Variants in PHACTR3 observed in about 807,000 individuals in gnomAD.
PHACTR3 encodes the protein phosphatase and actin regulator 3.
PHACTR3 carries 16 observed loss-of-function variants against 66.8 expected under a neutral mutation model. The observed-to-expected ratio is 0.24, with a 90% confidence interval of 0.16 to 0.36. The LOEUF (loss-of-function observed/expected upper bound fraction) is 0.36, where lower values mean the gene tolerates loss of function less well. PHACTR3 is among the 10% of genes least tolerant of loss of function. The pLI is 1.00. For missense variants in PHACTR3, 647 were observed against 719.9 expected, an observed-to-expected ratio of 0.90 and a Z score of 1.16; for synonymous variants, 323 against 292.1, an observed-to-expected ratio of 1.11 and a Z score of -1.08.
chr20:59,596,907 ACTAC>A (rs1199520477), intron 1 of PHACTR3, among the ~76,000 whole-genome samples: 2 of 152,188 alleles, frequency 1.3e-5, no homozygotes, highest in Non-Finnish European at 2.9e-5. Flanking sequence ...GGCTTCATAC[ACTAC>A]TACCTCTCCA....
At chr20:59,592,445 A>G (rs1474981) in intron 1 of PHACTR3, among the ~76,000 whole-genome samples, 17,711 of 152,226 alleles carry the variant, frequency 0.12, 1,258 homozygotes, top group East Asian at 0.28. Flanking sequence ...ACCTACATGG[A>G]CGCAGGAAGA....
At chr20:59,704,219 T>A (rs549660464) in intron 1 of PHACTR3, among the ~76,000 whole-genome samples, 1 of 152,336 alleles carries the variant, frequency 6.6e-6, no homozygotes, top group African/African-American at 2.4e-5. Flanking sequence ...AGGGTTCTCT[T>A]GTAATGATGC....
At chr20:59,815,105 G>T (rs16983191) in intron 8 of PHACTR3, among the ~76,000 whole-genome samples, 1 of 152,122 alleles carries the variant, frequency 6.6e-6, no homozygotes, top group Non-Finnish European at 1.5e-5. Context: ...GACTCGAAGA[G>T]GGTTCTTGTT....
exon 1 of PHACTR3, chr20:59,577,534 C>T (rs2032746806): frequency 2.6e-6 from 3 of 1,169,758 alleles, no homozygotes; most frequent in Non-Finnish European, 3.2e-6. Context: ...GGGGGGCGCG[C>T]CCGCTGTCCT....
intron 1 of PHACTR3, among the ~76,000 whole-genome samples, chr20:59,692,011 A>G (rs943140297): frequency 1.1e-4 from 17 of 152,228 alleles, no homozygotes; most frequent in African/African-American, 3.6e-4. Flanking sequence ...CTTTTAGAAG[A>G]AAGGACAAAG....
At position 59,759,430 on chromosome 20, in the gene PHACTR3, G is replaced by A. The variant is rs183894830; in HGVS notation, c.541+4066G>A. Among the ~76,000 whole-genome samples, 729 of 152,236 alleles carry A rather than the reference G, an allele frequency of 4.8e-3. 3 individuals are homozygous for A. The highest frequency in any genetic ancestry group is 0.017 in the African/African-American group (690 of 41,546). On this transcript the variant is annotated intron_variant, in intron 4 of 12. Coordinates refer to ENST00000371015, the MANE Select transcript of PHACTR3 (RefSeq NM_080672.5). Reference sequence around the variant, plus strand: ...TTTCTTTTCAGTCATCAAAGTTCAGGCCTCCGGATCCCTGTTCCCACACAG... The same window carrying A: ...TTTCTTTTCAGTCATCAAAGTTCAGACCTCCGGATCCCTGTTCCCACACAG...
chr20:59,696,990 C>G (rs1222508699), intron 1 of PHACTR3, among the ~76,000 whole-genome samples: 2 of 152,138 alleles, frequency 1.3e-5, no homozygotes, highest in Non-Finnish European at 2.9e-5. Flanking sequence ...GCAGAGGGTG[C>G]TGGGATTCAC....
intron 1 of PHACTR3, among the ~76,000 whole-genome samples, chr20:59,675,331 G>A (rs2036419019): frequency 6.6e-6 from 1 of 152,192 alleles, no homozygotes; most frequent in South Asian, 2.1e-4. Context: ...GTACACAGAA[G>A]AGGGGAGAGA....
chr20:59,684,037 G>A (rs1378003078), intron 1 of PHACTR3, among the ~76,000 whole-genome samples: 1 of 152,174 alleles, frequency 6.6e-6, no homozygotes, highest in African/African-American at 2.4e-5. Context: ...AGACTTGGGG[G>A]ATGAGAACCT....
In PHACTR3 at chr20:59,747,944, G is replaced by A. The variant is rs978559766; in HGVS notation, c.358+109G>A. ...TCAGAAACAGTGTAGAATCCAAGGAGGGCCGTGTTCAGATGAAGCCTGCAA... is the reference window on the plus strand; with the variant it reads ...TCAGAAACAGTGTAGAATCCAAGGAAGGCCGTGTTCAGATGAAGCCTGCAA... On this transcript the variant is annotated intron_variant, in intron 3 of 12. Coordinates refer to ENST00000371015, the MANE Select transcript of PHACTR3 (RefSeq NM_080672.5). The A allele has an allele frequency of 3.4e-6, 4 of 1,179,786 alleles. No individual in the cohort carries two copies. The African/African-American group carries it at 6.1e-5, about 18-fold the overall frequency. The allele number at this position is 1,179,786 out of a possible 1,614,324, so 73.1% of individuals were successfully genotyped here.
chr20:59,615,358 G>A (rs1291148445), intron 1 of PHACTR3, among the ~76,000 whole-genome samples: 1 of 152,164 alleles, frequency 6.6e-6, no homozygotes, highest in African/African-American at 2.4e-5. Context: ...ATTTGCTGAC[G>A]CATTAAGCAC....
chr20:59,580,283 T>C (rs2032821860), intron 1 of PHACTR3, among the ~76,000 whole-genome samples: 1 of 152,168 alleles, frequency 6.6e-6, no homozygotes. Flanking sequence ...CACAACTCTT[T>C]GGGCACTGTG....
At chr20:59,842,836 C>G (rs1458294658) in intron 11 of PHACTR3, among the ~76,000 whole-genome samples, 1 of 152,042 alleles carries the variant, frequency 6.6e-6, no homozygotes, top group Non-Finnish European at 1.5e-5. Context: ...CACTACAGTT[C>G]AGCAAATTAA....
intron 1 of PHACTR3, among the ~76,000 whole-genome samples, chr20:59,639,368 G>T (rs560258730): frequency 4.7e-5 from 7 of 150,054 alleles, no homozygotes; most frequent in African/African-American, 1.8e-4. Context: ...CCACCTGTCT[G>T]TTCTTTTCTC....
chr20:59,603,769 G>A (rs2146329236), upstream of PHACTR3: 1 of 152,500 alleles, frequency 6.6e-6, no homozygotes, highest in East Asian at 1.9e-4. Flanking sequence ...TCCTCCTCTG[G>A]GCACCTTCCA....
intron 1 of PHACTR3, among the ~76,000 whole-genome samples, chr20:59,711,122 T>C (rs980709357): frequency 6.6e-6 from 1 of 152,152 alleles, no homozygotes; most frequent in Middle Eastern, 3.2e-3. Context: ...AAATATAGCA[T>C]GTGTCTTGAA....
chr20:59,833,754 A>G (rs2042451342), intron 8 of PHACTR3, among the ~76,000 whole-genome samples: 1 of 152,224 alleles, frequency 6.6e-6, no homozygotes, highest in Admixed American at 6.5e-5. Flanking sequence ...GGACAGTGAA[A>G]GAGTTTACCA....
chr20:59,844,582 A>T (rs2059118626), intron 11 of PHACTR3: 1 of 152,226 alleles, frequency 6.6e-6, no homozygotes, highest in South Asian at 2.1e-4. Flanking sequence ...TAAGCCAGGC[A>T]CAGAAAAACA....
At chr20:59,815,425 T>G (rs1208386225) in intron 8 of PHACTR3, among the ~76,000 whole-genome samples, 4 of 149,164 alleles carry the variant, frequency 2.7e-5, no homozygotes, top group South Asian at 2.1e-4. Flanking sequence ...CTGGTTTTTT[T>G]TTTTTTGTTT....
Sources: gnomAD v4.1 joint callset for allele counts (sites outside exome capture counted in the v4.1 genomes callset) on GRCh38, gnomAD v4.1.1 for gene constraint, MANE v1.5 for transcripts, NCBI Gene and HGNC (gene_info 2026-07-23, HGNC 2026-07-21) for gene names.